The following PBLD variants were observed in gnomAD, a reference collection of about 807,000 sequenced individuals.
The protein encoded by PBLD is phenazine biosynthesis-like domain-containing protein.
A neutral mutation model predicts 31.3 loss-of-function variants in PBLD; 26 were observed. The observed-to-expected ratio is 0.83, with a 90% CI of 0.61 to 1.15. The LOEUF (loss-of-function observed/expected upper bound fraction) is 1.15, where lower values mean the gene tolerates loss of function less well. Among genes scored for constraint, PBLD ranks in the 50% most tolerant of loss-of-function variants. The pLI is 0.00. For missense variants in PBLD, 307 were observed against 351.7 expected, an observed-to-expected ratio of 0.87 and a Z score of 1.02; for synonymous variants, 114 against 129.0, an observed-to-expected ratio of 0.88 and a Z score of 0.79.
intron 6 of PBLD, 100 bp from the exon 7 acceptor site, chr10:68,289,119 C>A (rs2134426728): frequency 2.4e-6 from 2 of 836,482 alleles, no homozygotes; most frequent in East Asian, 2.5e-5. Flanking sequence ...CCACTGTGAG[C>A]CAAGCATGCC....
At chr10:68,330,602 G>A (rs2045026285) in intron 1 of PBLD, among the ~76,000 whole-genome samples, 1 of 151,816 alleles carries the variant, frequency 6.6e-6, no homozygotes, top group Non-Finnish European at 1.5e-5. Context: ...CTGGAGTGCG[G>A]TGGCGCGATC....
At chr10:68,318,279 C>T (rs948862886) in intron 1 of PBLD, among the ~76,000 whole-genome samples, 7 of 150,726 alleles carry the variant, frequency 4.6e-5, no homozygotes, top group Non-Finnish European at 1.0e-4. Flanking sequence ...GTGGCTAGTG[C>T]CCATAATCCC....
At chr10:68,288,204 T>G in intron 8 of PBLD, 1 of 437,212 alleles carries the variant, frequency 2.3e-6, no homozygotes, top group South Asian at 3.4e-5. Flanking sequence ...ACTGAGACTT[T>G]TAAAAGTCAA....
At chr10:68,286,327 A>G (rs542032578) in intron 8 of PBLD, among the ~76,000 whole-genome samples, 12 of 152,052 alleles carry the variant, frequency 7.9e-5, no homozygotes, top group African/African-American at 2.9e-4. Flanking sequence ...ACTTCAAGTG[A>G]TGCACCCATT....
chr10:68,296,361 G>A lies in PBLD; in HGVS notation c.188C>T (p.Ser63Phe). The stretch of plus-strand genomic sequence containing the variant: ...TGTAAACCATCTCAGTCCAAAGCAG[G>A]AACCTGAGGATAGGAAAAGCCAAAG... ...LHPTDNFAQS[S>F]CFGLRWFTPA... The change falls in exon 4 of 10, where the codon TCC becomes TTC. Residue 63 changes from serine (S) to phenylalanine (F), a missense_variant. Ser to Phe is a radical substitution (Grantham distance 155). Transcript: ENST00000358769. The A allele has an allele frequency of 1.9e-6, 3 of 1,611,620 alleles. No homozygotes were observed. The highest frequency in any genetic ancestry group is 2.5e-6 in the Non-Finnish European group (3 of 1,178,188).
At chr10:68,315,010 G>A (rs1024731621) in intron 1 of PBLD, among the ~76,000 whole-genome samples, 4 of 151,952 alleles carry the variant, frequency 2.6e-5, no homozygotes, top group South Asian at 2.1e-4. Context: ...GGCTGGTCTC[G>A]AACTCCTGAC....
chr10:68,292,352 G>A (rs1481950696), intron 4 of PBLD, 114 bp from the exon 5 acceptor site: 6 of 895,338 alleles, frequency 6.7e-6, no homozygotes, highest in Non-Finnish European at 8.5e-6. Context: ...CCTTTTCTAT[G>A]ATGGAGCGAG....
intron 2 of PBLD, among the ~76,000 whole-genome samples, chr10:68,305,753 C>T (rs1231738732): frequency 2.6e-5 from 4 of 152,146 alleles, no homozygotes; most frequent in African/African-American, 9.6e-5. Context: ...GGAACTCCGT[C>T]TCAAAAACAA....
At chr10:68,308,231 C>T (rs903939073) in intron 1 of PBLD, among the ~76,000 whole-genome samples, 25 of 152,148 alleles carry the variant, frequency 1.6e-4, no homozygotes, top group African/African-American at 4.3e-4. Context: ...ATTTACAATA[C>T]GTTTATGGAT....
In PBLD at chr10:68,289,124, C is replaced by A; in HGVS notation, c.424-105G>T. The stretch of plus-strand genomic sequence containing the variant: ...CATTGAGCATCCACTGTGAGCCAAG[C>A]ATGCCCATCGTCTCCAGTCCCCAAG... On this transcript the variant is annotated intron_variant, in intron 6 of 9. Coordinates refer to ENST00000358769, the MANE Select transcript of PBLD (RefSeq NM_022129.4). The A allele has an allele frequency of 3.6e-6, 3 of 827,384 alleles. No individual in the cohort carries two copies. In the South Asian group the frequency reaches 4.6e-5, roughly 13 times the overall value. The allele number at this position is 827,384 out of a possible 1,614,324, so 51.3% of individuals were successfully genotyped here.
At chr10:68,302,327 C>T (rs2044515576) in intron 2 of PBLD, among the ~76,000 whole-genome samples, 1 of 152,182 alleles carries the variant, frequency 6.6e-6, no homozygotes, top group Non-Finnish European at 1.5e-5. Context: ...GGTTCCATCG[C>T]CTTATGACCC....
chr10:68,326,815 G>A (rs1325652555), intron 1 of PBLD, among the ~76,000 whole-genome samples: 1 of 152,160 alleles, frequency 6.6e-6, no homozygotes, highest in African/African-American at 2.4e-5. Context: ...TTGGGAGGCC[G>A]AGGCCAGTGG....
At chr10:68,324,009 C>T (rs571165941) in intron 1 of PBLD, among the ~76,000 whole-genome samples, 49 of 152,274 alleles carry the variant, frequency 3.2e-4, no homozygotes, top group South Asian at 8.3e-4. Flanking sequence ...TCAACACACC[C>T]GATATTCCTG....
chr10:68,288,413 C>A, intron 8 of PBLD, 70 bp downstream of exon 8: 1 of 1,524,640 alleles, frequency 6.6e-7, no homozygotes. Context: ...ACAGGAAGTG[C>A]ACTTAAATAA....
intron 8 of PBLD, chr10:68,287,935 T>C (rs1266063838): frequency 1.3e-5 from 2 of 152,542 alleles, no homozygotes; most frequent in Non-Finnish European, 2.9e-5. Context: ...CAGACGCCTG[T>C]AGTTCCAGCT....
intron 1 of PBLD, among the ~76,000 whole-genome samples, chr10:68,316,694 C>T (rs957103415): frequency 2.6e-5 from 4 of 152,124 alleles, no homozygotes; most frequent in African/African-American, 9.7e-5. Context: ...CACCTAGACA[C>T]ACAATAATCT....
At chr10:68,293,983 CAAAAACAA>C (rs1326705892) in intron 4 of PBLD, among the ~76,000 whole-genome samples, 1 of 151,660 alleles carries the variant, frequency 6.6e-6, no homozygotes, top group Admixed American at 6.6e-5. Context: ...CTCAAAAAAA[CAAAAACAA>C]AAAAACAAAA....
chr10:68,284,492 C>T (rs765591236), intron 9 of PBLD, among the ~76,000 whole-genome samples: 2 of 152,206 alleles, frequency 1.3e-5, no homozygotes, highest in Admixed American at 6.5e-5. Flanking sequence ...ATCTACAGAA[C>T]ACACAGCTCC....
intron 7 of PBLD, 97 bp downstream of exon 7, chr10:68,288,834 C>T (rs957985383): frequency 2.2e-6 from 3 of 1,342,272 alleles, no homozygotes; most frequent in African/African-American, 2.9e-5. Context: ...CTGCGTAAAT[C>T]ATGGTTTGAC....
Sources: allele counts gnomAD v4.1 joint callset (sites outside exome capture counted in the v4.1 genomes callset), GRCh38; gene constraint gnomAD v4.1.1; transcripts MANE v1.5; gene names NCBI Gene and HGNC (gene_info 2026-07-23, HGNC 2026-07-21).